CREG2: variants seen among roughly 807,000 people sequenced by gnomAD.
CREG2 encodes protein CREG2.
Under a neutral mutation model 26.2 loss-of-function variants are expected in CREG2, and 24 were observed. The observed-to-expected ratio is 0.92, with a 90% CI of 0.66 to 1.29. The LOEUF (loss-of-function observed/expected upper bound fraction) is 1.29, where lower values mean the gene tolerates loss of function less well. CREG2 is among the 50% of genes most tolerant of loss of function. The pLI is 0.00. For missense variants in CREG2, 366 were observed against 398.6 expected, an observed-to-expected ratio of 0.92 and a Z score of 0.70; for synonymous variants, 174 against 169.2, an observed-to-expected ratio of 1.03 and a Z score of -0.22.
chr2:101,369,007 T>A (rs1036698119), intron 2 of CREG2, among the ~76,000 whole-genome samples: 4 of 151,980 alleles, frequency 2.6e-5, no homozygotes, highest in Non-Finnish European at 5.9e-5. Context: ...GGCAAGAGAG[T>A]GATGTCCGAG....
intron 2 of CREG2, among the ~76,000 whole-genome samples, chr2:101,359,405 G>C (rs76069668): frequency 0.022 from 3,395 of 152,212 alleles, 54 homozygotes; most frequent in Non-Finnish European, 0.033. Context: ...CTTCGTATAA[G>C]GTCACATACC....
chr2:101,379,995 CT>C (rs1264228079), intron 2 of CREG2, among the ~76,000 whole-genome samples: 2 of 151,764 alleles, frequency 1.3e-5, no homozygotes, highest in Non-Finnish European at 2.9e-5. Context: ...ATCTATCTAT[CT>C]ATCTATCTAT....
Position 101,355,330 on chromosome 2 carries a change from G to A in CREG2, c.648C>T (p.Val216=). 1.2e-6 allele frequency: 2 copies of A among 1,613,882 alleles called. No individual in the cohort carries two copies. The highest frequency in any genetic ancestry group is 1.7e-6 in the Non-Finnish European group (2 of 1,179,778). ...TCATCTGGCCAGTGAGCGTTAACTG[G>A]ACACATCGGGGATCTTCCGGATCAA... is the stretch of plus-strand genomic sequence containing the variant. ...NIVDPEDPRC[V]QLTLTGQMIA... is the part of the protein sequence containing the mutation. The change falls in exon 3 of 4, where the codon GTC becomes GTT. Residue 216 remains valine (V), a synonymous_variant. Transcript: ENST00000324768.
At chr2:101,353,791 AGGATGAGTTCATGTCCTTTGCAGGGACAT>A (rs1684415302) in intron 3 of CREG2, among the ~76,000 whole-genome samples, 1 of 152,210 alleles carries the variant, frequency 6.6e-6, no homozygotes, top group Non-Finnish European at 1.5e-5. Context: ...GCCATAGAAA[AGGATGAGTTCATGTCCTTTGCAGGGACAT>A]GGATGAAGCT....
At chr2:101,385,501 A>G (rs1340103388) in intron 1 of CREG2, among the ~76,000 whole-genome samples, 1 of 152,144 alleles carries the variant, frequency 6.6e-6, no homozygotes, top group East Asian at 1.9e-4. Flanking sequence ...TTTAGTGCTG[A>G]GGTTTTCCCA....
chr2:101,383,188 C>T, intron 2 of CREG2: 3 of 339,326 alleles, frequency 8.8e-6, no homozygotes, highest in South Asian at 3.4e-5. Flanking sequence ...AACCCTCACT[C>T]CCACCCTCGC....
intron 2 of CREG2, among the ~76,000 whole-genome samples, chr2:101,356,780 A>G (rs1209423061): frequency 1.3e-5 from 2 of 152,176 alleles, no homozygotes; most frequent in African/African-American, 4.8e-5. Flanking sequence ...CAGTAGTGTG[A>G]TCATATTTGT....
chr2:101,351,213 G>A, intron 3 of CREG2, 143 bp from the exon 4 acceptor site: 1 of 765,422 alleles, frequency 1.3e-6, no homozygotes, highest in Non-Finnish European at 2.0e-6. Flanking sequence ...AGGGAGCTGA[G>A]TGTCAGTGCC....
At chr2:101,382,834 C>T (rs7577564) in intron 2 of CREG2, 140,387 of 985,258 alleles carry the variant, frequency 0.14, 10,275 homozygotes, top group African/African-American at 0.21. Context: ...AAAGGGCTCA[C>T]CCCAGGCCAT....
rs1218252059 is a variant in CREG2 at position 101,387,445 on chromosome 2, G to C, written c.13C>G (p.Arg5Gly). 1 of 1,224,066 alleles carries C rather than the reference G, an allele frequency of 8.2e-7. No homozygotes were observed. Among genetic ancestry groups the C allele is most frequent in the African/African-American group, 1.6e-5 (1 of 62,832 alleles). 75.8% of individuals were successfully genotyped at this position (1,224,066 alleles called of 1,614,324 possible). MSVR[R>G]GRRPARPGTR... ...CCCGGCCGCGCCGGCCGCCGGCCGC[G>C]GCGCACGGACATCTTGCAGGCAGCA... The change falls in exon 1 of 4, where the codon CGC (arginine) becomes GGC (glycine). Residue 5 changes from arginine (R) to glycine (G), a missense_variant. Physicochemically the swap from Arg to Gly is moderately radical, Grantham distance 125. Transcript: ENST00000324768. The surrounding 1 kb of genome is among the most constrained non-coding windows in gnomAD (Gnocchi z 4.7).
chr2:101,346,900 CA>C lies in CREG2; in HGVS notation c.*4022del, dbSNP rs1684315733. 6.6e-6 allele frequency: 1 copy of C among 152,320 alleles called. No homozygotes were observed. The highest frequency in any genetic ancestry group is 1.9e-4 in the East Asian group (1 of 5,186). The allele number at this position is 152,320 out of a possible 1,614,324, so 9.4% of individuals were successfully genotyped here. ...TACAATATCCCAACCAGGATTTTCA[CA>C]TTGATTTGGTCAAGATACTGAATAT... is the stretch of plus-strand genomic sequence containing the variant. On this transcript the variant is annotated 3_prime_UTR_variant, in exon 4 of 4. Transcript: ENST00000324768.
In CREG2 at chr2:101,387,367, C is replaced by T. The variant is rs1372092018; in HGVS notation, c.91G>A (p.Gly31Ser). The T allele has an allele frequency of 2.0e-6, 3 of 1,473,638 alleles. No individual in the cohort carries two copies. The highest frequency in any genetic ancestry group is 2.7e-6 in the Non-Finnish European group (3 of 1,104,708). 91.3% of individuals were successfully genotyped at this position (1,473,638 alleles called of 1,614,324 possible). Residue 31 changes from glycine (G) to serine (S), a missense_variant, in exon 1 of 4, where the codon GGC becomes AGC. Physicochemically the swap from Gly to Ser is moderately conservative, Grantham distance 56. This residue lies in a region of CREG2 where 177 missense variants were observed against 183.3 expected (regional missense o/e 0.97). Coordinates refer to ENST00000324768, the MANE Select transcript of CREG2 (RefSeq NM_153836.4). The surrounding 1 kb of genome is among the most constrained non-coding windows in gnomAD (Gnocchi z 4.7). ...GACACGGAGCTCACGATCACGTAGC[C>T]CGCGGCCGGGGACAGCAGGGCGCTG... ...CCSALLSPAA[G>S]YVIVSSVSWA...
intron 3 of CREG2, among the ~76,000 whole-genome samples, chr2:101,354,130 A>C (rs1684419962): frequency 6.6e-6 from 1 of 152,204 alleles, no homozygotes; most frequent in Non-Finnish European, 1.5e-5. Context: ...TAAAAATAAA[A>C]AAAGAAAATA....
rs2104465268 is a variant in CREG2, at chr2:101,346,389, T to C, written c.*4534A>G. ...TCTCTATAAAATCAGTGGAGAATCA[T>C]TATATACACACTTGGATACTTATAT... On this transcript the variant is annotated 3_prime_UTR_variant, in exon 4 of 4. Transcript: ENST00000324768. 6.6e-6 allele frequency: 1 copy of C among 152,344 alleles called. No homozygotes were observed. Among genetic ancestry groups the C allele is most frequent in the South Asian group, 2.1e-4 (1 of 4,824 alleles). The allele number at this position is 152,344 out of a possible 1,614,324, so 9.4% of individuals were successfully genotyped here.
chr2:101,359,439 CT>C (rs1684509052), intron 2 of CREG2, among the ~76,000 whole-genome samples: 1 of 152,210 alleles, frequency 6.6e-6, no homozygotes, highest in Non-Finnish European at 1.5e-5. Context: ...CAGTTTTCGT[CT>C]TGGTGCACAC....
intron 2 of CREG2, among the ~76,000 whole-genome samples, chr2:101,377,432 A>C (rs544557965): frequency 7.2e-5 from 11 of 152,336 alleles, no homozygotes; most frequent in African/African-American, 2.2e-4. Context: ...AGAAGGTGCG[A>C]ACCTAAAACT....
intron 3 of CREG2, among the ~76,000 whole-genome samples, chr2:101,354,922 A>G (rs760488820): frequency 1.6e-4 from 25 of 152,012 alleles, no homozygotes; most frequent in Admixed American, 9.2e-4. Context: ...CCAGCAGGCA[A>G]TGGGCTTTGT....
At chr2:101,381,618 T>G (rs1424097288) in intron 2 of CREG2, among the ~76,000 whole-genome samples, 2 of 152,206 alleles carry the variant, frequency 1.3e-5, no homozygotes, top group African/African-American at 4.8e-5. Flanking sequence ...TTAAACAGTG[T>G]CAGGGGTATA....
intron 1 of CREG2, 118 bp downstream of exon 1, chr2:101,386,899 C>CG (rs1011438256): frequency 8.5e-5 from 90 of 1,060,942 alleles, no homozygotes; most frequent in African/African-American, 3.3e-5. Context: ...TCCAGGGCAC[C>CG]GGGCACGTCT....
Sources: gnomAD v4.1 joint callset for allele counts (sites outside exome capture counted in the v4.1 genomes callset) on GRCh38, gnomAD v4.1.1 for gene constraint, gnomAD v4.1.1 regional missense constraint, Gnocchi (gnomAD v3.1) non-coding constraint, MANE v1.5 for transcripts, NCBI Gene and HGNC (gene_info 2026-07-23, HGNC 2026-07-21) for gene names.